The following HIP1 variants were observed in gnomAD, a reference collection of about 807,000 sequenced individuals.
HIP1 encodes huntingtin-interacting protein 1.
A neutral mutation model predicts 147.6 loss-of-function variants in HIP1; 65 were observed. The ratio of observed to expected loss-of-function variants is 0.44; its 90% CI spans 0.36 to 0.54. HIP1 has a LOEUF of 0.54. HIP1 is among the 20% of genes least tolerant of loss of function. The pLI is 0.00. For missense variants in HIP1, 1,061 were observed against 1,299.6 expected (o/e 0.82, Z 2.82); for synonymous variants, 479 against 504.0 (o/e 0.95, Z 0.67).
At chr7:75,572,881 T>C (rs1415747242) in intron 8 of HIP1, among the ~76,000 whole-genome samples, 1 of 152,124 alleles carries the variant, frequency 6.6e-6, no homozygotes, top group Non-Finnish European at 1.5e-5. Context: ...CCCTGTACTC[T>C]TCAGGGCCTG....
rs544715631 is a variant in HIP1, at chr7:75,672,985, A to G, written c.120+65816T>C. Among the ~76,000 whole-genome samples, 189 of 150,576 alleles carry G rather than the reference A, an allele frequency of 1.3e-3. 1 individual carries two copies. The highest frequency in any genetic ancestry group is 2.3e-3 in the Non-Finnish European group (159 of 67,848). ...CCAGTAACACCACTTTGACTACTGC[A>G]GCTTTGTAGTAAGTTTTGAAACTGG... On this transcript the variant is annotated intron_variant, in intron 1 of 30. Coordinates refer to ENST00000336926, the MANE Select transcript of HIP1 (RefSeq NM_005338.7).
chr7:75,578,230 G>A lies in HIP1; in HGVS notation c.604+3007C>T, dbSNP rs1328459255. ...GCTTATCCCTAAACACCACAGCAGC[G>A]GGAGGCAGGCAGGCAGCCGGCTCCA... On this transcript the variant is annotated intron_variant, in intron 7 of 30. Coordinates refer to ENST00000336926, the MANE Select transcript of HIP1 (RefSeq NM_005338.7). Among the ~76,000 whole-genome samples the A allele has an allele frequency of 5.3e-5, 8 of 152,294 alleles. No homozygotes were observed. The South Asian group carries it at 1.0e-3, about 20-fold the overall frequency.
chr7:75,603,072 C>T (rs1293567164), intron 1 of HIP1, among the ~76,000 whole-genome samples: 5 of 147,688 alleles, frequency 3.4e-5, no homozygotes, highest in Admixed American at 6.9e-5. Context: ...CCCGGCCGGG[C>T]GCAGTGACTC....
intron 1 of HIP1, among the ~76,000 whole-genome samples, chr7:75,677,056 G>A (rs112385626): frequency 0.07 from 10,580 of 151,350 alleles, 615 homozygotes; most frequent in Admixed American, 0.19. Flanking sequence ...TTAGCCAGGT[G>A]TGGTGGTGCA....
At chr7:75,559,259 C>T (rs1554494037) in intron 14 of HIP1, among the ~76,000 whole-genome samples, 1 of 152,138 alleles carries the variant, frequency 6.6e-6, no homozygotes, top group African/African-American at 2.4e-5. Context: ...GGACTACAGG[C>T]ACGTGCCACC....
rs139045137 is a variant in HIP1, at chr7:75,539,300, G to A, written c.3061+23C>T. Reference sequence around the variant, plus strand: ...CTTCCCCTCCCTGCTGCGGGTTAGTGCCCATCCTTGGAGTCAGCTTACCTT... The same window carrying A: ...CTTCCCCTCCCTGCTGCGGGTTAGTACCCATCCTTGGAGTCAGCTTACCTT... On this transcript the variant is annotated intron_variant, in intron 30 of 30. Transcript: ENST00000336926. 1,175 of 1,562,648 alleles carry A rather than the reference G, an allele frequency of 7.5e-4. 10 individuals are homozygous for A. In the African/African-American group the frequency reaches 0.014, roughly 19 times the overall value.
intron 1 of HIP1, among the ~76,000 whole-genome samples, chr7:75,610,188 C>T (rs1279970370): frequency 6.7e-6 from 1 of 149,568 alleles, no homozygotes; most frequent in Non-Finnish European, 1.5e-5. Context: ...CAGGCATGAG[C>T]CACCTCATCC....
intron 15 of HIP1, 76 bp from the exon 16 acceptor site, chr7:75,557,846 T>A: frequency 8.9e-7 from 1 of 1,119,706 alleles, no homozygotes; most frequent in Non-Finnish European, 1.4e-6. Context: ...ACAATCATAC[T>A]CAGGCTGTGC....
At chr7:75,659,211 T>C (rs782072889) in intron 1 of HIP1, among the ~76,000 whole-genome samples, 33 of 152,216 alleles carry the variant, frequency 2.2e-4, no homozygotes, top group Admixed American at 3.9e-4. Flanking sequence ...GGCCTTGGGC[T>C]CACTAGGTGT....
Position 75,664,522 on chromosome 7 carries a change from G to A in HIP1, c.121-65275C>T, listed in dbSNP as rs955160983. Among the ~76,000 whole-genome samples, 16 of 147,906 alleles carry A rather than the reference G, an allele frequency of 1.1e-4. 1 individual carries two copies. Among genetic ancestry groups the A allele is most frequent in the African/African-American group, 3.0e-4 (12 of 39,984 alleles). ...CATATATATGTATGTGTATGTATAC[G>A]TATACATACATATATACACATACAT... is the stretch of plus-strand genomic sequence containing the variant. On this transcript the variant is annotated intron_variant, in intron 1 of 30. Transcript: ENST00000336926.
chr7:75,689,158 T>C (rs1800363372), intron 1 of HIP1, among the ~76,000 whole-genome samples: 1 of 152,122 alleles, frequency 6.6e-6, no homozygotes, highest in African/African-American at 2.4e-5. Context: ...GAGACCAGCC[T>C]GGGCAACATA....
chr7:75,661,088 G>A (rs1019211640), intron 1 of HIP1, among the ~76,000 whole-genome samples: 5 of 151,956 alleles, frequency 3.3e-5, no homozygotes, highest in Non-Finnish European at 7.4e-5. Flanking sequence ...AGACTAGCCC[G>A]GGCAACATGG....
chr7:75,660,948 T>C lies in HIP1; in HGVS notation c.121-61701A>G, dbSNP rs2091754. Among the ~76,000 whole-genome samples the C allele has an allele frequency of 9.8e-3, 1,492 of 151,590 alleles. 26 individuals are homozygous for C. Among genetic ancestry groups the C allele is most frequent in the African/African-American group, 0.034 (1,423 of 41,306 alleles). The stretch of plus-strand genomic sequence containing the variant: ...CATCGGGGAAGGCCTGCATTTAGGG[T>C]GGGAAGAGCAGTCACTGCAGGCAGC... On this transcript the variant is annotated intron_variant, in intron 1 of 30. Coordinates refer to ENST00000336926, the MANE Select transcript of HIP1 (RefSeq NM_005338.7).
chr7:75,555,355 A>T, intron 19 of HIP1, 61 bp downstream of exon 19: 2 of 1,597,608 alleles, frequency 1.3e-6, no homozygotes, highest in Non-Finnish European at 1.7e-6. Context: ...GAGATTCAAC[A>T]TCAACAGAGT....
At chr7:75,599,975 A>C (rs1415032095) in intron 1 of HIP1, among the ~76,000 whole-genome samples, 3 of 150,316 alleles carry the variant, frequency 2.0e-5, no homozygotes, top group Non-Finnish European at 4.4e-5. Context: ...AGCTGGGCCT[A>C]CAGGCACCCG....
chr7:75,713,742 G>A (rs1201626290), intron 1 of HIP1, among the ~76,000 whole-genome samples: 1 of 150,478 alleles, frequency 6.6e-6, no homozygotes, highest in Non-Finnish European at 1.5e-5. Flanking sequence ...TGTTGCCCAG[G>A]CTGGAGTGCA....
intron 1 of HIP1, among the ~76,000 whole-genome samples, chr7:75,683,568 A>T (rs1432997959): frequency 1.3e-5 from 2 of 152,070 alleles, no homozygotes; most frequent in Non-Finnish European, 2.9e-5. Context: ...GACCACTCAG[A>T]GCTCCCACCT....
chr7:75,672,887 A>G (rs1397922600), intron 1 of HIP1, among the ~76,000 whole-genome samples: 2 of 152,130 alleles, frequency 1.3e-5, no homozygotes, highest in East Asian at 3.8e-4. Flanking sequence ...TTGACTATCA[A>G]TTGACCACGG....
intron 23 of HIP1, 66 bp downstream of exon 23, chr7:75,548,825 T>A (rs1794669202): frequency 8.6e-7 from 1 of 1,157,536 alleles, no homozygotes; most frequent in Non-Finnish European, 1.3e-6. Flanking sequence ...ACATGTTTAA[T>A]GAGCAGTGTT....
Sources: gnomAD v4.1 joint callset for allele counts (sites outside exome capture counted in the v4.1 genomes callset) on GRCh38, gnomAD v4.1.1 for gene constraint, MANE v1.5 for transcripts, NCBI Gene and HGNC (gene_info 2026-07-23, HGNC 2026-07-21) for gene names.